SNAP25: variants seen among roughly 807,000 people sequenced by gnomAD.
The protein encoded by SNAP25 is synaptosome associated protein 25, also known as synaptosomal-associated protein 25.
A neutral mutation model predicts 28.7 loss-of-function variants in SNAP25; 3 were observed. That is an observed-to-expected ratio of 0.10 (90% CI 0.05 to 0.27). The LOEUF is 0.27. Among genes scored for constraint, SNAP25 ranks in the 10% least tolerant of loss-of-function variants. The pLI is 1.00. For missense variants in SNAP25, 117 were observed against 278.7 expected (o/e 0.42, Z 4.13); for synonymous variants, 61 against 88.1 (o/e 0.69, Z 1.72).
At chr20:10,231,087 G>A (rs2062821803) in intron 1 of SNAP25, among the ~76,000 whole-genome samples, 1 of 152,048 alleles carries the variant, frequency 6.6e-6, no homozygotes, top group Admixed American at 6.6e-5. Context: ...AGTGTCCCCA[G>A]TGCAAAGGAT....
intron 4 of SNAP25, among the ~76,000 whole-genome samples, chr20:10,291,966 T>C (rs1161337994): frequency 6.6e-6 from 1 of 152,262 alleles, no homozygotes; most frequent in Non-Finnish European, 1.5e-5. Context: ...AGTTGGTGTA[T>C]GTAACCTTGG....
intron 1 of SNAP25, among the ~76,000 whole-genome samples, chr20:10,272,211 CT>C (rs1484196832): frequency 2.6e-5 from 4 of 152,156 alleles, no homozygotes; most frequent in African/African-American, 9.7e-5. Flanking sequence ...GCTCCACATC[CT>C]TTTTTACAAA....
chr20:10,292,434 T>C (rs1463670975), intron 4 of SNAP25, among the ~76,000 whole-genome samples: 2 of 152,130 alleles, frequency 1.3e-5, no homozygotes, highest in Admixed American at 6.5e-5. Context: ...AAGAAGAAAA[T>C]GGATTCTATT....
chr20:10,233,087 A>G (rs1019267698), intron 1 of SNAP25, among the ~76,000 whole-genome samples: 1 of 152,150 alleles, frequency 6.6e-6, no homozygotes, highest in African/African-American at 2.4e-5. Flanking sequence ...TAAAATCCAA[A>G]CAGTCCACAG....
chr20:10,291,204 G>C (rs145133794), intron 4 of SNAP25, among the ~76,000 whole-genome samples: 15 of 152,126 alleles, frequency 9.9e-5, no homozygotes, highest in Non-Finnish European at 2.2e-4. Flanking sequence ...CTCCCAAGTA[G>C]CTGGGATTAC....
chr20:10,291,571 G>A (rs1034679142), intron 4 of SNAP25, among the ~76,000 whole-genome samples: 6 of 152,158 alleles, frequency 3.9e-5, no homozygotes, highest in African/African-American at 9.7e-5. Context: ...TTAGCCTCAC[G>A]AAAGAAAACA....
At chr20:10,268,226 A>G (rs186144227) in intron 1 of SNAP25, among the ~76,000 whole-genome samples, 2 of 152,248 alleles carry the variant, frequency 1.3e-5, no homozygotes, top group Non-Finnish European at 2.9e-5. Flanking sequence ...GAGTTTTCAT[A>G]AACTTTTGTT....
intron 4 of SNAP25, among the ~76,000 whole-genome samples, chr20:10,290,725 C>T: frequency 6.6e-6 from 1 of 152,094 alleles, no homozygotes; most frequent in Non-Finnish European, 1.5e-5. Flanking sequence ...GCATATGTGT[C>T]CCCACGCCAT....
At position 10,276,400 on chromosome 20, in the gene SNAP25, A is replaced by C. The variant is rs538476976; in HGVS notation, c.72+837A>C. Among the ~76,000 whole-genome samples, 11 of 152,368 alleles carry C rather than the reference A, an allele frequency of 7.2e-5. No individual in the cohort carries two copies. In the South Asian group the frequency reaches 2.3e-3, roughly 32 times the overall value. On this transcript the variant is annotated intron_variant, in intron 2 of 7. Transcript: ENST00000254976. ...GTTTTGCTGATTGTCTAGACTTTAA[A>C]AAGTAGAGAAAATATTAATAATGCA...
intron 1 of SNAP25, among the ~76,000 whole-genome samples, chr20:10,234,892 A>C (rs753932970): frequency 6.6e-6 from 1 of 152,184 alleles, no homozygotes; most frequent in Non-Finnish European, 1.5e-5. Flanking sequence ...AATAACATAA[A>C]ATAAAATAAA....
chr20:10,236,090 A>T (rs931153970), intron 1 of SNAP25, among the ~76,000 whole-genome samples: 5 of 152,166 alleles, frequency 3.3e-5, no homozygotes, highest in Non-Finnish European at 7.3e-5. Context: ...AGAGAGCCCC[A>T]CCTCTGCCAT....
chr20:10,275,348 G>C lies in SNAP25; in HGVS notation c.-63-81G>C. 4 of 578,130 alleles carry C rather than the reference G, an allele frequency of 6.9e-6. No individual in the cohort carries two copies. In the South Asian group the frequency reaches 1.1e-4, roughly 16 times the overall value. 35.8% of individuals were successfully genotyped at this position (578,130 alleles called of 1,614,324 possible). ...ACTGAGTCATGTGGACTGAGTATGGGCCATTTAGATTTTCTGGTCTTTGCA... is the reference window on the plus strand; with the variant it reads ...ACTGAGTCATGTGGACTGAGTATGGCCCATTTAGATTTTCTGGTCTTTGCA... On this transcript the variant is annotated intron_variant, in intron 1 of 7. Transcript: ENST00000254976.
chr20:10,273,256 A>C (rs1487096180), intron 1 of SNAP25, among the ~76,000 whole-genome samples: 1 of 152,130 alleles, frequency 6.6e-6, no homozygotes, highest in Admixed American at 6.6e-5. Context: ...CCCAAATCTA[A>C]TTTCCTCTCC....
At chr20:10,231,907 C>T (rs1746962941) in intron 1 of SNAP25, among the ~76,000 whole-genome samples, 2 of 152,174 alleles carry the variant, frequency 1.3e-5, no homozygotes, top group African/African-American at 4.8e-5. Context: ...GATACTCAAC[C>T]TATACTGCTT....
chr20:10,267,345 C>T (rs1272783759), intron 1 of SNAP25, among the ~76,000 whole-genome samples: 1 of 151,870 alleles, frequency 6.6e-6, no homozygotes, highest in African/African-American at 2.4e-5. Flanking sequence ...AAAGGAACAA[C>T]ACAATAACAC....
At chr20:10,264,882 A>C (rs1487271604) in intron 1 of SNAP25, among the ~76,000 whole-genome samples, 1 of 151,430 alleles carries the variant, frequency 6.6e-6, no homozygotes, top group Non-Finnish European at 1.5e-5. Context: ...GCAAGCAACT[A>C]AAAAAGATTT....
chr20:10,285,197 C>T (rs910337517), intron 4 of SNAP25, among the ~76,000 whole-genome samples: 7 of 152,148 alleles, frequency 4.6e-5, no homozygotes, highest in Admixed American at 4.6e-4. Context: ...ACCATCCCAA[C>T]TCAGTATCTA....
At chr20:10,270,611 A>G (rs986347874) in intron 1 of SNAP25, among the ~76,000 whole-genome samples, 1 of 152,016 alleles carries the variant, frequency 6.6e-6, no homozygotes, top group African/African-American at 2.4e-5. Flanking sequence ...GAGGCAGCAG[A>G]ATTACTTGAA....
chr20:10,242,757 T>G (rs1198152276), intron 1 of SNAP25, among the ~76,000 whole-genome samples: 12 of 152,318 alleles, frequency 7.9e-5, no homozygotes, highest in South Asian at 2.1e-4. Context: ...GGGATCAATT[T>G]ATGGGCATTC....
Sources: gnomAD v4.1 joint callset for allele counts (sites outside exome capture counted in the v4.1 genomes callset) on GRCh38, gnomAD v4.1.1 for gene constraint, MANE v1.5 for transcripts, NCBI Gene and HGNC (gene_info 2026-07-23, HGNC 2026-07-21) for gene names.